LNX1: variants seen among roughly 807,000 people sequenced by gnomAD.
LNX1 encodes the protein ligand of numb-protein X 1.
In LNX1, 54 loss-of-function variants were observed where a neutral mutation model predicts 68.4. The observed-to-expected ratio is 0.79, with a 90% CI of 0.63 to 0.99. The LOEUF (loss-of-function observed/expected upper bound fraction) is 0.99, where lower values mean the gene tolerates loss of function less well. LNX1 is among the 50% of genes least tolerant of loss of function. LNX1 has a pLI of 0.00. For missense variants in LNX1, 906 were observed against 926.4 expected, an observed-to-expected ratio of 0.98 and a Z score of 0.29; for synonymous variants, 336 against 350.0, an observed-to-expected ratio of 0.96 and a Z score of 0.45.
Position 53,561,474 on chromosome 4 carries a change from C to A in LNX1, c.380+12149G>T, listed in dbSNP as rs1392371285. ...ATCTCCTGATCTCATGATCCGCCCA[C>A]GTCATCCTCCCAAAGTGCTGGGATT... On this transcript the variant is annotated intron_variant, in intron 2 of 10. Transcript: ENST00000263925. 2.0e-5 allele frequency among the ~76,000 whole-genome samples: 3 copies of A among 152,154 alleles called. No homozygotes were observed. The East Asian group carries it at 5.8e-4, about 29-fold the overall frequency.
intron 2 of LNX1, among the ~76,000 whole-genome samples, chr4:53,558,945 T>C (rs1430464909): frequency 6.6e-6 from 1 of 152,188 alleles, no homozygotes; most frequent in Non-Finnish European, 1.5e-5. Flanking sequence ...ACACTAAGAC[T>C]TCTTTGCAGG....
chr4:53,567,594 G>A lies in LNX1; in HGVS notation c.380+6029C>T, dbSNP rs1426439421. ...CATCACAATTAAAAGAACTAGAAAAGCAAGAGCAAACACATTCCAAAGCTA... is the reference window on the plus strand; with the variant it reads ...CATCACAATTAAAAGAACTAGAAAAACAAGAGCAAACACATTCCAAAGCTA... On this transcript the variant is annotated intron_variant, in intron 2 of 10. Transcript: ENST00000263925. 2.6e-5 allele frequency among the ~76,000 whole-genome samples: 4 copies of A among 151,756 alleles called. No individual in the cohort carries two copies. In the East Asian group the frequency reaches 7.7e-4, roughly 29 times the overall value.
chr4:53,599,294 A>C (rs1375337815), intron 2 of LNX1, among the ~76,000 whole-genome samples: 9 of 152,284 alleles, frequency 5.9e-5, no homozygotes, highest in Non-Finnish European at 5.9e-5. Context: ...GCTAAAACCC[A>C]CCAAAACCAA....
In LNX1 at chr4:53,496,356, G is replaced by A. The variant is rs766245676; in HGVS notation, c.1017C>T (p.Tyr339=). Residue 339 remains tyrosine, a synonymous_variant, in exon 6 of 11, where the codon TAC becomes TAT. Transcript: ENST00000263925. ...AGGGCTGCCGCAGGAGACGCACAGC[G>A]TAGTTGTGAGGGACATTGCTGATGT... ...GMDISNVPHN[Y]AVRLLRQPCQ... is the part of the protein sequence containing the mutation. 2.7e-5 allele frequency: 43 copies of A among 1,613,790 alleles called. No individual in the cohort carries two copies. The highest frequency in any genetic ancestry group is 3.1e-5 in the Non-Finnish European group (37 of 1,179,828).
intron 1 of LNX1, among the ~76,000 whole-genome samples, chr4:53,623,786 C>T (rs1043789228): frequency 1.3e-5 from 2 of 151,642 alleles, no homozygotes; most frequent in Non-Finnish European, 2.9e-5. Flanking sequence ...ATTATTGCTG[C>T]TATTTTATAG....
intron 2 of LNX1, among the ~76,000 whole-genome samples, chr4:53,516,573 G>A (rs1726801707): frequency 6.6e-6 from 1 of 152,174 alleles, no homozygotes; most frequent in South Asian, 2.1e-4. Flanking sequence ...CATTGGTCTA[G>A]CAGACTAAGT....
At chr4:53,549,154 C>A (rs958133661) in intron 2 of LNX1, among the ~76,000 whole-genome samples, 1 of 152,008 alleles carries the variant, frequency 6.6e-6, no homozygotes, top group Admixed American at 6.6e-5. Flanking sequence ...ACATGTACCC[C>A]CCAAATCTAA....
At chr4:53,627,814 A>G (rs371692165) in intron 1 of LNX1, among the ~76,000 whole-genome samples, 12 of 152,284 alleles carry the variant, frequency 7.9e-5, no homozygotes, top group Admixed American at 4.6e-4. Context: ...GAAGTGCTTG[A>G]GTTAGAGCAG....
At chr4:53,552,428 T>C (rs1419980034) in intron 2 of LNX1, among the ~76,000 whole-genome samples, 1 of 152,182 alleles carries the variant, frequency 6.6e-6, no homozygotes, top group Non-Finnish European at 1.5e-5. Context: ...AAACTCCACT[T>C]TTCTGTAACT....
intron 2 of LNX1, among the ~76,000 whole-genome samples, chr4:53,509,065 A>G (rs1726133783): frequency 6.6e-6 from 1 of 152,266 alleles, no homozygotes; most frequent in African/African-American, 2.4e-5. Flanking sequence ...GAGCTGATCT[A>G]GGTCCATATT....
intron 2 of LNX1, among the ~76,000 whole-genome samples, chr4:53,613,052 T>G (rs1200221213): frequency 6.7e-6 from 1 of 150,292 alleles, no homozygotes; most frequent in African/African-American, 2.5e-5. Context: ...TACCTACGAT[T>G]ATATAGCCAT....
chr4:53,635,471 T>C (rs1040566161), intron 1 of LNX1, among the ~76,000 whole-genome samples: 8 of 152,328 alleles, frequency 5.3e-5, no homozygotes, highest in African/African-American at 1.9e-4. Context: ...AAGTATTTTA[T>C]ACTAATGAAT....
intron 2 of LNX1, among the ~76,000 whole-genome samples, chr4:53,606,173 G>C (rs1326726448): frequency 6.6e-6 from 1 of 151,596 alleles, no homozygotes; most frequent in Non-Finnish European, 1.5e-5. Context: ...TTGAAAGATA[G>C]ATAGACCACT....
intron 9 of LNX1, among the ~76,000 whole-genome samples, chr4:53,475,232 T>G (rs1723487664): frequency 1.3e-5 from 2 of 152,236 alleles, no homozygotes; most frequent in Admixed American, 1.3e-4. Flanking sequence ...CATGACAGAA[T>G]AGCTTTCAAA....
intron 2 of LNX1, among the ~76,000 whole-genome samples, chr4:53,606,239 G>A (rs1191301282): frequency 2.0e-5 from 3 of 151,910 alleles, no homozygotes; most frequent in Non-Finnish European, 1.5e-5. Context: ...AATCAGAAAT[G>A]ACAAAGGGGA....
At chr4:53,652,328 C>G (rs952092297) in exon 1 of LNX1, 3 of 152,158 alleles carry the variant, frequency 2.0e-5, no homozygotes, top group African/African-American at 7.2e-5. Context: ...CACCTTTGTA[C>G]GTGCGGGGGT....
chr4:53,552,157 C>T (rs1247826529), intron 2 of LNX1, among the ~76,000 whole-genome samples: 6 of 152,154 alleles, frequency 3.9e-5, no homozygotes, highest in Non-Finnish European at 7.3e-5. Context: ...AAGTCAGTCA[C>T]GCAGCTAGTG....
chr4:53,517,076 C>G (rs1213741349), intron 2 of LNX1, among the ~76,000 whole-genome samples: 1 of 152,140 alleles, frequency 6.6e-6, no homozygotes, highest in Non-Finnish European at 1.5e-5. Context: ...GCCACTGAAT[C>G]CTCAGCACTC....
At chr4:53,637,135 C>CA (rs959765278) in intron 1 of LNX1, among the ~76,000 whole-genome samples, 9 of 151,446 alleles carry the variant, frequency 5.9e-5, no homozygotes, top group African/African-American at 1.7e-4. Flanking sequence ...TTTGCACTGG[C>CA]AAAAAAAATC....
Sources: gnomAD v4.1 joint callset for allele counts (sites outside exome capture counted in the v4.1 genomes callset) on GRCh38, gnomAD v4.1.1 for gene constraint, MANE v1.5 for transcripts, NCBI Gene and HGNC (gene_info 2026-07-23, HGNC 2026-07-21) for gene names.